Variants in PLEKHA6 observed in about 807,000 individuals in gnomAD.
The protein encoded by PLEKHA6 is pleckstrin homology domain-containing family A member 6.
A neutral mutation model predicts 116.7 loss-of-function variants in PLEKHA6; 60 were observed. The observed-to-expected ratio is 0.51, with a 90% CI of 0.42 to 0.64. The LOEUF (loss-of-function observed/expected upper bound fraction) is 0.64. PLEKHA6 is among the 30% of genes least tolerant of loss of function. The pLI is 0.00. For missense variants in PLEKHA6, 1,338 were observed against 1,422.7 expected, an observed-to-expected ratio of 0.94 and a Z score of 0.96; for synonymous variants, 489 against 556.1, an observed-to-expected ratio of 0.88 and a Z score of 1.70.
Position 204,277,562 on chromosome 1 carries a change from C to G in PLEKHA6, c.-94-2753G>C, listed in dbSNP as rs545410698. ...CCTCCTGCCTCCCCAATTCTCAACC[C>G]ACAATACAGGCTCCTGAGCTGAAAA... is the stretch of plus-strand genomic sequence containing the variant. On this transcript the variant is annotated intron_variant, in intron 1 of 22. Coordinates refer to ENST00000272203, the MANE Select transcript of PLEKHA6 (RefSeq NM_014935.5). This position sits in a 1 kb window ranked among gnomAD's most constrained non-coding sequence, Gnocchi z 4.1. 3.3e-5 allele frequency: 5 copies of G among 152,198 alleles called. No individual in the cohort carries two copies. Among genetic ancestry groups the G allele is most frequent in the Non-Finnish European group, 7.3e-5 (5 of 68,050 alleles). The allele number at this position is 152,198 out of a possible 1,614,324, so 9.4% of individuals were successfully genotyped here.
intron 17 of PLEKHA6, among the ~76,000 whole-genome samples, chr1:204,235,668 TGGG>T (rs1398648363): frequency 2.4e-5 from 3 of 126,640 alleles, no homozygotes; most frequent in Non-Finnish European, 5.3e-5. Context: ...AAACTTAGAA[TGGG>T]GACATGTAGG....
rs1193993182 is a variant in PLEKHA6, at chr1:204,257,426, A to G, written c.1451T>C (p.Leu484Pro). The change falls in exon 9 of 23, where the codon CTG becomes CCG. Residue 484 changes from leucine to proline, a missense_variant. Around this residue, in one of 3 missense-constraint regions of PLEKHA6, gnomAD observed 1,136 missense variants for 1,163.6 expected, o/e 0.98. Coordinates refer to ENST00000272203, the MANE Select transcript of PLEKHA6 (RefSeq NM_014935.5). The surrounding 1 kb of genome is among the most constrained non-coding windows in gnomAD (Gnocchi z 6.5). The stretch of plus-strand genomic sequence containing the variant: ...ATAGATGTCCTCACTGCGAGGTGGC[A>G]GCCGCTCAAAACGGGCACTGGGTGA... Reference protein sequence around the residue: ...VRSPSARFERLPPRSEDIYAD... With the variant: ...VRSPSARFERPPPRSEDIYAD... 1 of 1,565,716 alleles carries G rather than the reference A, an allele frequency of 6.4e-7. No homozygotes were observed. Among genetic ancestry groups the G allele is most frequent in the Admixed American group, 1.9e-5 (1 of 52,508 alleles).
intron 18 of PLEKHA6, among the ~76,000 whole-genome samples, chr1:204,229,624 A>G (rs1256411014): frequency 6.6e-6 from 1 of 152,098 alleles, no homozygotes; most frequent in African/African-American, 2.4e-5. Flanking sequence ...CTTTGTTGTC[A>G]GGCTGGTCTC....
intron 1 of PLEKHA6, among the ~76,000 whole-genome samples, chr1:204,337,882 AG>A (rs1334545849): frequency 3.3e-5 from 5 of 152,248 alleles, no homozygotes; most frequent in Non-Finnish European, 7.3e-5. Context: ...AAAGCATGCC[AG>A]GTGGGTAAAG....
At chr1:204,274,456 C>T (rs1667809910) in intron 2 of PLEKHA6, 1 of 228,208 alleles carries the variant, frequency 4.4e-6, no homozygotes, top group Non-Finnish European at 7.3e-6. Flanking sequence ...CCCCTGGGTG[C>T]TATGCCAGCC....
chr1:204,256,847 C>G (rs1375145102), intron 9 of PLEKHA6: 1 of 664,614 alleles, frequency 1.5e-6, no homozygotes, highest in African/African-American at 1.8e-5. Context: ...TGTAGGGGAA[C>G]AGTCCTGCAG....
chr1:204,339,861 A>G (rs1298918514), intron 1 of PLEKHA6, among the ~76,000 whole-genome samples: 3 of 152,234 alleles, frequency 2.0e-5, no homozygotes, highest in Non-Finnish European at 4.4e-5. Flanking sequence ...TTCATGACAC[A>G]AGACACTAGC....
At chr1:204,375,277 A>G (rs1315007078) in intron 1 of PLEKHA6, among the ~76,000 whole-genome samples, 1 of 151,948 alleles carries the variant, frequency 6.6e-6, no homozygotes, top group Admixed American at 6.6e-5. Flanking sequence ...GTTAGACAGC[A>G]TCTCCTGAAT....
chr1:204,333,254 A>T (rs1385471198), intron 1 of PLEKHA6, among the ~76,000 whole-genome samples: 3 of 152,192 alleles, frequency 2.0e-5, no homozygotes, highest in Non-Finnish European at 4.4e-5. Context: ...TTGTAGGATG[A>T]CTAGGGTTTC....
chr1:204,349,162 A>C (rs992609412), intron 1 of PLEKHA6, among the ~76,000 whole-genome samples: 1 of 152,194 alleles, frequency 6.6e-6, no homozygotes, highest in East Asian at 1.9e-4. Context: ...GCCTGGCTCC[A>C]GGCCCTCAAT....
intron 1 of PLEKHA6, 117 bp from the exon 2 acceptor site, chr1:204,274,926 C>T: frequency 3.1e-6 from 3 of 978,604 alleles, no homozygotes; most frequent in Non-Finnish European, 2.4e-6. Context: ...GGAGCTTGTG[C>T]CTCTGTCCTC....
In PLEKHA6 at chr1:204,261,259, C is replaced by A; in HGVS notation, c.524+47G>T. On this transcript the variant is annotated intron_variant, in intron 7 of 22. Transcript: ENST00000272203. This position sits in a 1 kb window ranked among gnomAD's most constrained non-coding sequence, Gnocchi z 4.0. Reference sequence around the variant, plus strand: ...CAGAGCTGGGTGTGTCTTCCATTCCCCTCTTTATTCTTCCTGCACCCCCAC... The same window carrying A: ...CAGAGCTGGGTGTGTCTTCCATTCCACTCTTTATTCTTCCTGCACCCCCAC... 1.2e-6 allele frequency: 2 copies of A among 1,609,016 alleles called. No individual in the cohort carries two copies. The highest frequency in any genetic ancestry group is 3.3e-4 in the Middle Eastern group (2 of 6,054).
chr1:204,315,269 G>A (rs560561126), intron 1 of PLEKHA6, among the ~76,000 whole-genome samples: 1 of 152,046 alleles, frequency 6.6e-6, no homozygotes, highest in Non-Finnish European at 1.5e-5. Context: ...ATCCTCAGTG[G>A]TTACCCCTCC....
intron 8 of PLEKHA6, among the ~76,000 whole-genome samples, chr1:204,258,946 G>GC (rs1665723862): frequency 6.6e-6 from 1 of 152,176 alleles, no homozygotes; most frequent in Non-Finnish European, 1.5e-5. Flanking sequence ...ACAACTTCAG[G>GC]CCCCCTCCCA....
chr1:204,259,532 G>A lies in PLEKHA6; in HGVS notation c.733C>T (p.Pro245Ser), dbSNP rs770781437. The A allele has an allele frequency of 1.2e-5, 19 of 1,613,950 alleles. No homozygotes were observed. In the East Asian group the frequency reaches 4.2e-4, roughly 36 times the overall value. ...TAAGGGCTGCCCGGCTCTGAGGCTGGCTCCGGTCCAGCTGGGAGGCCATTG... is the reference window on the plus strand; with the variant it reads ...TAAGGGCTGCCCGGCTCTGAGGCTGACTCCGGTCCAGCTGGGAGGCCATTG... ...KANGLPAGPE[P>S]ASEPGSPYPE... is the part of the protein sequence containing the mutation. Residue 245 changes from proline (P) to serine (S), a missense_variant, in exon 8 of 23, where the codon CCA becomes TCA. Physicochemically the swap from Pro to Ser is moderately conservative, Grantham distance 74. Coordinates refer to ENST00000272203, the MANE Select transcript of PLEKHA6 (RefSeq NM_014935.5). This position sits in a 1 kb window ranked among gnomAD's most constrained non-coding sequence, Gnocchi z 4.6.
upstream of PLEKHA6, among the ~76,000 whole-genome samples, chr1:204,361,541 G>A (rs925691456): frequency 5.3e-5 from 8 of 152,232 alleles, no homozygotes; most frequent in Non-Finnish European, 1.2e-4. Context: ...GGCAGCAGGC[G>A]CAGCTCAGCA....
At chr1:204,222,858 A>G (rs76278268) in intron 22 of PLEKHA6, 79 bp from the exon 23 acceptor site, 2,050 of 154,770 alleles carry the variant, frequency 0.013, 38 homozygotes, top group African/African-American at 0.046. Context: ...AGGAAAAAGA[A>G]GCCTCATCCT....
At chr1:204,358,398 G>A (rs1335351331) in intron 1 of PLEKHA6, among the ~76,000 whole-genome samples, 1 of 152,176 alleles carries the variant, frequency 6.6e-6, no homozygotes, top group African/African-American at 2.4e-5. Flanking sequence ...CAGCTGCTCG[G>A]GGGTGAAAGC....
intron 1 of PLEKHA6, among the ~76,000 whole-genome samples, chr1:204,308,225 C>T (rs942027133): frequency 2.6e-5 from 4 of 152,152 alleles, no homozygotes; most frequent in African/African-American, 9.7e-5. Context: ...ACTCCCAGCC[C>T]GATTCGGCAT....
Sources: gnomAD v4.1 joint callset for allele counts (sites outside exome capture counted in the v4.1 genomes callset) on GRCh38, gnomAD v4.1.1 for gene constraint, gnomAD v4.1.1 regional missense constraint, Gnocchi (gnomAD v3.1) non-coding constraint, MANE v1.5 for transcripts, NCBI Gene and HGNC (gene_info 2026-07-23, HGNC 2026-07-21) for gene names.